The following KRT6B variants were observed in gnomAD, a reference collection of about 807,000 sequenced individuals.
The protein encoded by KRT6B is keratin 6B.
KRT6B carries 29 observed loss-of-function variants against 44.7 expected under a neutral mutation model. The ratio of observed to expected loss-of-function variants is 0.65; its 90% CI spans 0.48 to 0.88. The LOEUF is 0.88. Among genes scored for constraint, KRT6B ranks in the 40% least tolerant of loss-of-function variants. The pLI is 0.00. For synonymous variants in KRT6B, 213 were observed against 296.0 expected, an observed-to-expected ratio of 0.72 and a Z score of 2.88; for missense variants, 600 against 724.0, an observed-to-expected ratio of 0.83 and a Z score of 1.97.
intron 1 of KRT6B, 26 bp downstream of exon 1, chr12:52,451,513 C>A (rs373919036): frequency 5.0e-6 from 8 of 1,613,404 alleles, no homozygotes; most frequent in Non-Finnish European, 5.9e-6. Context: ...CTGAAGTGCC[C>A]GATGGAGGGC....
chr12:52,450,981 A>G (rs369721090), intron 1 of KRT6B, among the ~76,000 whole-genome samples: 3 of 152,012 alleles, frequency 2.0e-5, no homozygotes, highest in Non-Finnish European at 4.4e-5. Context: ...GTTAGGAGGG[A>G]TATTAGATGT....
In KRT6B at chr12:52,447,108, G is replaced by C. The variant is rs1201438382; in HGVS notation, c.*82C>G. The C allele has an allele frequency of 6.4e-7, 1 of 1,573,986 alleles. No individual in the cohort carries two copies. The highest frequency in any genetic ancestry group is 2.2e-5 in the East Asian group (1 of 44,642). Reference sequence around the variant, plus strand: ...AGGGCAGGGGAGACTGGAGGCCAGGGGAGGACAAGCAACCTGAGGAGAGGG... The same window carrying C: ...AGGGCAGGGGAGACTGGAGGCCAGGCGAGGACAAGCAACCTGAGGAGAGGG... On this transcript the variant is annotated 3_prime_UTR_variant, in exon 9 of 9. Coordinates refer to ENST00000252252, the MANE Select transcript of KRT6B (RefSeq NM_005555.4).
At chr12:52,448,163 G>A (rs1485169369) in intron 6 of KRT6B, among the ~76,000 whole-genome samples, 165 bp from the exon 7 acceptor site, 2 of 152,124 alleles carry the variant, frequency 1.3e-5, no homozygotes, top group African/African-American at 2.4e-5. Flanking sequence ...AAGTTTTTAC[G>A]TCTGGAGTCA....
At chr12:52,450,106 C>T in intron 2 of KRT6B, 34 bp from the exon 3 acceptor site, 1 of 1,613,866 alleles carries the variant, frequency 6.2e-7, no homozygotes, top group South Asian at 1.1e-5. Context: ...ACATTTGAGC[C>T]AGTGGGTAGG....
chr12:52,452,083 C>G lies in KRT6B; in HGVS notation c.-5G>C, dbSNP rs757105509. 2.5e-6 allele frequency: 4 copies of G among 1,614,004 alleles called. No individual in the cohort carries two copies. Among genetic ancestry groups the G allele is most frequent in the Admixed American group, 1.7e-5 (1 of 60,014 alleles). On this transcript the variant is annotated 5_prime_UTR_variant, in exon 1 of 9. Coordinates refer to ENST00000252252, the MANE Select transcript of KRT6B (RefSeq NM_005555.4). ...GGTGGTGGATGTGCTGGCCATGGTT[C>G]CAGGAGATGAGAGGGCTTAGGAGAG... is the stretch of plus-strand genomic sequence containing the variant.
At position 52,449,771 on chromosome 12, in the gene KRT6B, G is replaced by A; in HGVS notation, c.899C>T (p.Ala300Val). 1 of 1,614,006 alleles carries A rather than the reference G, an allele frequency of 6.2e-7. No individual in the cohort carries two copies. The highest frequency in any genetic ancestry group is 8.5e-7 in the Non-Finnish European group (1 of 1,179,916). ...TLTDEINFLR[A>V]LYDAELSQMQ... ...GGAGTTGCTTACTGCATCATACAAG[G>A]CTCTCAGGAAGTTGATCTCATCTGT... Residue 300 changes from alanine (A) to valine (V), a missense_variant, in exon 4 of 9, where the codon GCC becomes GTC. Transcript: ENST00000252252.
At position 52,451,960 on chromosome 12, in the gene KRT6B, C is replaced by G. The variant is rs139304263; in HGVS notation, c.119G>C (p.Arg40Pro). The G allele has an allele frequency of 1.2e-6, 2 of 1,613,448 alleles. No homozygotes were observed. The highest frequency in any genetic ancestry group is 1.7e-6 in the Non-Finnish European group (2 of 1,180,018). ...ACCCAGGCCACCACTGCCCCTGGAG[C>G]GGGACACGGAGATGCTGCTGAAGCC... is the stretch of plus-strand genomic sequence containing the variant. ...RSGFSSISVS[R>P]SRGSGGLGGA... The change falls in exon 1 of 9, where the codon CGC becomes CCC. Residue 40 changes from arginine to proline, a missense_variant. By Grantham distance (103) the Arg-to-Pro change is moderately radical (BLOSUM62 -2). Transcript: ENST00000252252.
chr12:52,447,398 C>A lies in KRT6B; in HGVS notation c.1487G>T (p.Gly496Val), dbSNP rs1271389792. The change falls in exon 9 of 9, where the codon GGC (glycine) becomes GTC (valine). Residue 496 changes from glycine to valine, a missense_variant. Coordinates refer to ENST00000252252, the MANE Select transcript of KRT6B (RefSeq NM_005555.4). ...ISVVQSTVSS[G>V]YGGASGVGSG... The stretch of plus-strand genomic sequence containing the variant: ...GCCGACACCGCTGGCACCGCCATAG[C>A]CACTGGAGACGGTGGACTGCACTAC... 6.2e-7 allele frequency: 1 copy of A among 1,614,080 alleles called. No homozygotes were observed. The highest frequency in any genetic ancestry group is 8.5e-7 in the Non-Finnish European group (1 of 1,179,942).
Position 52,447,542 on chromosome 12 carries a change from T to C in KRT6B, c.1456A>G (p.Ile486Val), listed in dbSNP as rs370394338. 8.7e-5 allele frequency: 141 copies of C among 1,613,946 alleles called. 2 individuals are homozygous for C. The South Asian group carries it at 1.0e-3, about 12-fold the overall frequency. ...GAAGGCAAACAAAGGTACTTACAGA[T>C]GTTGACTTGTCCAACGCCTTCGCCA... ...LNGEGVGQVN[I>V]SVVQSTVSSG... Residue 486 changes from isoleucine (I) to valine (V), a missense_variant, in exon 8 of 9, where the codon ATC (isoleucine) becomes GTC (valine). Around this residue, in one of 4 missense-constraint regions of KRT6B, gnomAD observed 479 missense variants for 454.2 expected, o/e 1.05. Coordinates refer to ENST00000252252, the MANE Select transcript of KRT6B (RefSeq NM_005555.4).
In KRT6B at chr12:52,452,145, A is replaced by G; in HGVS notation, c.-67T>C. 1.2e-6 allele frequency: 2 copies of G among 1,609,978 alleles called. No individual in the cohort carries two copies. The highest frequency in any genetic ancestry group is 1.7e-6 in the Non-Finnish European group (2 of 1,178,218). The stretch of plus-strand genomic sequence containing the variant: ...GGAGGCGAGAGGGAGGAGAAGCAGG[A>G]CGAGGAATCGGACTCCAGTAGCAGC... On this transcript the variant is annotated 5_prime_UTR_variant, in exon 1 of 9. Coordinates refer to ENST00000252252, the MANE Select transcript of KRT6B (RefSeq NM_005555.4).
At position 52,450,493 on chromosome 12, in the gene KRT6B, C is replaced by T. The variant is rs1360812915; in HGVS notation, c.668G>A (p.Arg223Lys). 5.0e-6 allele frequency: 8 copies of T among 1,614,244 alleles called. No individual in the cohort carries two copies. Among genetic ancestry groups the T allele is most frequent in the Non-Finnish European group, 6.8e-6 (8 of 1,180,054 alleles). ...TTCCCCCACGATGTTGTCCAGCTGCCTCCTGAGGTTGTTGATGTACTGCTC... is the reference window on the plus strand; with the variant it reads ...TTCCCCCACGATGTTGTCCAGCTGCTTCCTGAGGTTGTTGATGTACTGCTC... ...LFEQYINNLRRQLDNIVGERG... is the reference protein window; with the variant it reads ...LFEQYINNLRKQLDNIVGERG... The change falls in exon 2 of 9, where the codon AGG becomes AAG. Residue 223 changes from arginine to lysine, a missense_variant. Arg to Lys is a conservative substitution (Grantham distance 26, BLOSUM62 2). Coordinates refer to ENST00000252252, the MANE Select transcript of KRT6B (RefSeq NM_005555.4).
Position 52,450,593 on chromosome 12 carries a change from C to T in KRT6B, c.568G>A (p.Val190Ile). The change falls in exon 2 of 9, where the codon GTT (valine) becomes ATT (isoleucine). Residue 190 changes from valine to isoleucine, a missense_variant. Val to Ile is a conservative substitution (Grantham distance 29). Transcript: ENST00000252252. ...AGCAGGGTCCACTTGGTGTCCAGAA[C>T]CTTGTTCTGCTGCTCTAGGAACCGC... ...KVRFLEQQNK[V>I]LDTKWTLLQE... 2 of 1,614,142 alleles carry T rather than the reference C, an allele frequency of 1.2e-6. No individual in the cohort carries two copies. The highest frequency in any genetic ancestry group is 1.7e-6 in the Non-Finnish European group (2 of 1,180,002).
rs1376858459 is a variant in KRT6B at position 52,447,908 on chromosome 12, C to A, written c.1294G>T (p.Asp432Tyr). 1 of 1,614,202 alleles carries A rather than the reference C, an allele frequency of 6.2e-7. No homozygotes were observed. Among genetic ancestry groups the A allele is most frequent in the Non-Finnish European group, 8.5e-7 (1 of 1,180,042 alleles). Residue 432 changes from aspartate to tyrosine, a missense_variant, in exon 7 of 9, where the codon GAT becomes TAT. By Grantham distance (160) the Asp-to-Tyr change is radical. Coordinates refer to ENST00000252252, the MANE Select transcript of KRT6B (RefSeq NM_005555.4). ...DAKNKLEGLE[D>Y]ALQKAKQDLA... ...TCCTGCTTGGCCTTCTGCAGGGCAT[C>A]CTCCAGCCCTTCCAGCTTGTTCTTA...
Position 52,449,666 on chromosome 12 carries a change from C to A in KRT6B, c.913-33G>T, listed in dbSNP as rs375686236. On this transcript the variant is annotated intron_variant, in intron 4 of 8. Coordinates refer to ENST00000252252, the MANE Select transcript of KRT6B (RefSeq NM_005555.4). ...ACAGAAGGTCATAAGATCAACTTCA[C>A]TTCTGACATTTACAGAGATGCCCAG... is the stretch of plus-strand genomic sequence containing the variant. The A allele has an allele frequency of 3.7e-5, 59 of 1,614,212 alleles. No individual in the cohort carries two copies. In the African/African-American group the frequency reaches 7.1e-4, roughly 19 times the overall value.
At chr12:52,449,447 C>A in intron 5 of KRT6B, 22 bp downstream of exon 5, 1 of 1,614,160 alleles carries the variant, frequency 6.2e-7, no homozygotes, top group South Asian at 1.1e-5. Flanking sequence ...GATTCCTCAG[C>A]GGCTGTCCAC....
chr12:52,450,944 A>G (rs1289650262), intron 1 of KRT6B, among the ~76,000 whole-genome samples: 2 of 152,252 alleles, frequency 1.3e-5, no homozygotes, highest in African/African-American at 2.4e-5. Context: ...TATATTGTAC[A>G]CAGTTTTTTT....
At chr12:52,447,680 G>A (rs1325723878) in intron 7 of KRT6B, 98 bp downstream of exon 7, 11 of 1,613,782 alleles carry the variant, frequency 6.8e-6, no homozygotes, top group South Asian at 4.4e-5. Flanking sequence ...CCCAAGAAGA[G>A]CAATTATGGC....
Position 52,448,862 on chromosome 12 carries a change from T to C in KRT6B, c.1183A>G (p.Ile395Val), listed in dbSNP as rs960455848. ...NRMIQRLRSE[I>V]DHVKKQCANL... is the part of the protein sequence containing the mutation. ...CATACCTGCTTCTTGACGTGGTCGA[T>C]CTCAGATCTCAGCCTCTGGATCATG... is the stretch of plus-strand genomic sequence containing the variant. The change falls in exon 6 of 9, where the codon ATC (isoleucine) becomes GTC (valine). Residue 395 changes from isoleucine to valine, a missense_variant. By Grantham distance (29) the Ile-to-Val change is conservative. Coordinates refer to ENST00000252252, the MANE Select transcript of KRT6B (RefSeq NM_005555.4). 3.1e-6 allele frequency: 5 copies of C among 1,613,988 alleles called. No homozygotes were observed. The African/African-American group carries it at 5.3e-5, about 17-fold the overall frequency.
At position 52,447,067 on chromosome 12, in the gene KRT6B, C is replaced by T. The variant is rs548270201; in HGVS notation, c.*123G>A. On this transcript the variant is annotated 3_prime_UTR_variant, in exon 9 of 9. Transcript: ENST00000252252. The stretch of plus-strand genomic sequence containing the variant: ...TTGATGAGAAGAAAAGTGAGGGCAT[C>T]CCAGCTCTACCCGGGAGGGCAGGGG... 31 of 1,272,876 alleles carry T rather than the reference C, an allele frequency of 2.4e-5. No homozygotes were observed. The Admixed American group carries it at 4.2e-4, about 17-fold the overall frequency. The allele number at this position is 1,272,876 out of a possible 1,614,324, so 78.8% of individuals were successfully genotyped here. A position where few individuals can be genotyped will look rare whatever the true frequency, so the allele number is the denominator to read the frequency against.
Sources: gnomAD v4.1 joint callset for allele counts (sites outside exome capture counted in the v4.1 genomes callset) on GRCh38, gnomAD v4.1.1 for gene constraint, gnomAD v4.1.1 regional missense constraint, MANE v1.5 for transcripts, NCBI Gene and HGNC (gene_info 2026-07-23, HGNC 2026-07-21) for gene names.